The following LRP1B variants were observed in gnomAD, a reference collection of about 807,000 sequenced individuals.
LRP1B encodes low-density lipoprotein receptor-related protein 1B.
A neutral mutation model predicts 556.6 loss-of-function variants in LRP1B; 217 were observed. The observed-to-expected ratio is 0.39, with a 90% CI of 0.35 to 0.44. The LOEUF is 0.44. LRP1B is among the 20% of genes least tolerant of loss of function. The pLI is 1.00. For missense variants in LRP1B, 5,053 were observed against 5,620.8 expected, an observed-to-expected ratio of 0.90 and a Z score of 3.23; for synonymous variants, 2,047 against 1,865.8, an observed-to-expected ratio of 1.10 and a Z score of -2.50.
chr2:141,109,364 C>G (rs1461511344), intron 7 of LRP1B, among the ~76,000 whole-genome samples: 6 of 152,174 alleles, frequency 3.9e-5, no homozygotes, highest in Admixed American at 2.6e-4. Flanking sequence ...TAGGCTCCAT[C>G]TGGGAAGTAA....
intron 25 of LRP1B, among the ~76,000 whole-genome samples, chr2:140,882,930 C>A (rs1406553830): frequency 1.3e-5 from 2 of 152,158 alleles, no homozygotes; most frequent in Non-Finnish European, 2.9e-5. Context: ...AGCCTTTAGG[C>A]TTGACAATGA....
chr2:141,760,728 T>C (rs1011452138), intron 2 of LRP1B, among the ~76,000 whole-genome samples: 3 of 152,170 alleles, frequency 2.0e-5, no homozygotes, highest in Non-Finnish European at 4.4e-5. Context: ...TGGATTTATA[T>C]TGGAAGCAAA....
At chr2:141,145,087 T>A (rs547836175) in intron 7 of LRP1B, among the ~76,000 whole-genome samples, 1 of 152,306 alleles carries the variant, frequency 6.6e-6, no homozygotes, top group Admixed American at 6.5e-5. Flanking sequence ...GTTAAAAATT[T>A]AAGAAACTTT....
intron 47 of LRP1B, among the ~76,000 whole-genome samples, chr2:140,532,795 T>C (rs1273770803): frequency 1.3e-5 from 2 of 151,958 alleles, no homozygotes; most frequent in Non-Finnish European, 2.9e-5. Context: ...CTCTTTTGTT[T>C]CATTCATTCT....
At chr2:141,749,758 A>T (rs1694043059) in intron 2 of LRP1B, among the ~76,000 whole-genome samples, 1 of 152,120 alleles carries the variant, frequency 6.6e-6, no homozygotes, top group Non-Finnish European at 1.5e-5. Context: ...ATACATATGT[A>T]TGTAACAGGG....
At chr2:140,328,028 G>A (rs16856005) in intron 79 of LRP1B, among the ~76,000 whole-genome samples, 21,826 of 151,846 alleles carry the variant, frequency 0.14, 2,088 homozygotes, top group East Asian at 0.36. Flanking sequence ...AACTTTTCCT[G>A]TTACAGAGAT....
At chr2:140,415,092 C>T (rs888156829) in intron 66 of LRP1B, among the ~76,000 whole-genome samples, 1 of 152,130 alleles carries the variant, frequency 6.6e-6, no homozygotes, top group African/African-American at 2.4e-5. Flanking sequence ...TCCTGCAGTA[C>T]CCTCAGGCTT....
At chr2:141,203,146 A>T (rs1262582416) in intron 6 of LRP1B, among the ~76,000 whole-genome samples, 1 of 152,192 alleles carries the variant, frequency 6.6e-6, no homozygotes, top group East Asian at 1.9e-4. Context: ...GAGGAAAACA[A>T]CTAGATAGCA....
At chr2:140,645,786 C>T (rs1684462851) in intron 41 of LRP1B, among the ~76,000 whole-genome samples, 1 of 151,856 alleles carries the variant, frequency 6.6e-6, no homozygotes, top group Non-Finnish European at 1.5e-5. Flanking sequence ...GATCCGCCCG[C>T]CTCGGCCTCC....
chr2:140,989,520 G>A lies in LRP1B; in HGVS notation c.2770+12C>T, dbSNP rs2105352620. On this transcript the variant is annotated intron_variant, in intron 17 of 90. Coordinates refer to ENST00000389484, the MANE Select transcript of LRP1B (RefSeq NM_018557.3). ...GGAGGAGATTTACGTGTATATCCAA[G>A]CAAACCTTTACCTGTGCAAGTTTGA... The A allele has an allele frequency of 1.2e-6, 2 of 1,612,160 alleles. No homozygotes were observed. Among genetic ancestry groups the A allele is most frequent in the East Asian group, 4.5e-5 (2 of 44,788 alleles).
In LRP1B at chr2:141,504,789, A is replaced by G. The variant is rs543716667; in HGVS notation, c.206-24256T>C. The stretch of plus-strand genomic sequence containing the variant: ...CACATATGGCTAAATTAAAATTCAT[A>G]TTAATTGCATTAGATTTTAATTAAT... On this transcript the variant is annotated intron_variant, in intron 2 of 90. Coordinates refer to ENST00000389484, the MANE Select transcript of LRP1B (RefSeq NM_018557.3). 3.3e-4 allele frequency among the ~76,000 whole-genome samples: 51 copies of G among 152,250 alleles called. No individual in the cohort carries two copies. In the South Asian group the frequency reaches 0.01, roughly 30 times the overall value.
chr2:140,853,893 G>C (rs1420524064), intron 27 of LRP1B, among the ~76,000 whole-genome samples: 2 of 151,946 alleles, frequency 1.3e-5, no homozygotes, highest in Non-Finnish European at 2.9e-5. Context: ...AGTCCCTAAG[G>C]AATCGCAAGT....
intron 6 of LRP1B, among the ~76,000 whole-genome samples, chr2:141,195,936 C>T (rs1681732767): frequency 6.6e-6 from 1 of 151,960 alleles, no homozygotes; most frequent in Non-Finnish European, 1.5e-5. Context: ...CAAGAAGATG[C>T]TAGCCATGTG....
intron 2 of LRP1B, among the ~76,000 whole-genome samples, chr2:141,738,180 C>G (rs1210707139): frequency 3.3e-5 from 5 of 151,912 alleles, no homozygotes; most frequent in Non-Finnish European, 7.4e-5. Context: ...TAATATTAGC[C>G]CATATATTTA....
chr2:141,186,382 C>T (rs1001160028), intron 7 of LRP1B, among the ~76,000 whole-genome samples: 2 of 151,918 alleles, frequency 1.3e-5, no homozygotes, highest in African/African-American at 4.8e-5. Context: ...TATTCTAGAG[C>T]AGGCCCAAAT....
chr2:141,106,913 A>G (rs1003084997), intron 7 of LRP1B, among the ~76,000 whole-genome samples: 2 of 152,216 alleles, frequency 1.3e-5, no homozygotes, highest in Non-Finnish European at 2.9e-5. Flanking sequence ...AATATTCCTA[A>G]AAATAATTTT....
chr2:141,125,157 CA>C lies in LRP1B; in HGVS notation c.1014-62885del, dbSNP rs1270300540. On this transcript the variant is annotated intron_variant, in intron 7 of 90. Transcript: ENST00000389484. ...ATATATAACATTTGGATACCCAAGA[CA>C]AGTATCTTCTTTGGAAAAAATAAAG... Among the ~76,000 whole-genome samples, 7 of 152,286 alleles carry C rather than the reference CA, an allele frequency of 4.6e-5. No individual in the cohort carries two copies. The East Asian group carries it at 1.3e-3, about 29-fold the overall frequency.
At chr2:140,744,185 C>A (rs1241377201) in intron 35 of LRP1B, among the ~76,000 whole-genome samples, 1 of 151,586 alleles carries the variant, frequency 6.6e-6, no homozygotes, top group Non-Finnish European at 1.5e-5. Context: ...AAACATATAT[C>A]ATTGCATTGC....
chr2:140,790,957 TTTA>T (rs1159192947), intron 32 of LRP1B, among the ~76,000 whole-genome samples: 1 of 150,418 alleles, frequency 6.6e-6, no homozygotes. Context: ...TTTTTTTTTT[TTTA>T]ATTATCTGGG....
Sources: allele counts gnomAD v4.1 joint callset (sites outside exome capture counted in the v4.1 genomes callset), GRCh38; gene constraint gnomAD v4.1.1; transcripts MANE v1.5; gene names NCBI Gene and HGNC (gene_info 2026-07-23, HGNC 2026-07-21).